Variants in NLRP4 observed in about 807,000 individuals in gnomAD.
NLRP4 encodes NACHT, LRR and PYD domains-containing protein 4.
A neutral mutation model predicts 84.7 loss-of-function variants in NLRP4; 44 were observed. The ratio of observed to expected loss-of-function variants is 0.52; its 90% CI spans 0.41 to 0.67. The LOEUF (loss-of-function observed/expected upper bound fraction) is 0.67, where lower values mean the gene tolerates loss of function less well. NLRP4 is among the 30% of genes least tolerant of loss of function. The pLI, the probability that NLRP4 is intolerant of heterozygous loss-of-function variation, is 0.00. For missense variants in NLRP4, 1,260 were observed against 1,219.4 expected, an observed-to-expected ratio of 1.03 and a Z score of -0.50; for synonymous variants, 544 against 476.4, an observed-to-expected ratio of 1.14 and a Z score of -1.85.
chr19:55,845,561 C>T (rs1983761084), intron 1 of NLRP4, among the ~76,000 whole-genome samples: 1 of 152,018 alleles, frequency 6.6e-6, no homozygotes, highest in East Asian at 1.9e-4. Context: ...ATGGCTGGGT[C>T]AAATGGTATT....
rs111354438 is a variant in NLRP4 at position 55,879,825 on chromosome 19, CTTATTA to C, written c.2867+866_2867+871del. Among the ~76,000 whole-genome samples, 11 of 151,620 alleles carry C rather than the reference CTTATTA, an allele frequency of 7.3e-5. No individual in the cohort carries two copies. The East Asian group carries it at 1.7e-3, about 24-fold the overall frequency. ...AAATAATTTTTTACCTCCTATATCA[CTTATTA>C]TTATAATACAAATTATGATACATGT... On this transcript the variant is annotated intron_variant, in intron 9 of 9. Coordinates refer to ENST00000301295, the MANE Select transcript of NLRP4 (RefSeq NM_134444.5).
At chr19:55,869,094 G>C (rs999199407) in intron 6 of NLRP4, among the ~76,000 whole-genome samples, 5 of 152,174 alleles carry the variant, frequency 3.3e-5, no homozygotes, top group African/African-American at 7.2e-5. Context: ...ATTGTCCCAG[G>C]TAACTATCTG....
Position 55,881,540 on chromosome 19 carries a change from C to A in NLRP4, c.2938C>A (p.Leu980Met). The change falls in exon 10 of 10, where the codon CTG (leucine) becomes ATG (methionine). Residue 980 changes from leucine to methionine, a missense_variant. Physicochemically the swap from Leu to Met is conservative, Grantham distance 15. Transcript: ENST00000301295. ...LTAEEERNPN[L>M]TITDDCDTIT... ...GGCTGAGGAAGAGAGAAATCCTAACCTGACCATCACAGACGACTGTGACAC... is the reference window on the plus strand; with the variant it reads ...GGCTGAGGAAGAGAGAAATCCTAACATGACCATCACAGACGACTGTGACAC... 1 of 1,609,228 alleles carries A rather than the reference C, an allele frequency of 6.2e-7. No homozygotes were observed. The highest frequency in any genetic ancestry group is 8.5e-7 in the Non-Finnish European group (1 of 1,175,634).
At chr19:55,863,973 G>A (rs577858844) in intron 5 of NLRP4, among the ~76,000 whole-genome samples, 2 of 152,006 alleles carry the variant, frequency 1.3e-5, no homozygotes, top group Admixed American at 6.6e-5. Context: ...TGCATCAACC[G>A]AACACAAAAA....
intron 7 of NLRP4, among the ~76,000 whole-genome samples, chr19:55,874,340 G>C (rs371380630): frequency 1.3e-5 from 2 of 152,084 alleles, no homozygotes; most frequent in African/African-American, 2.4e-5. Context: ...GGTTCACTAT[G>C]TATTTTATAC....
Position 55,877,033 on chromosome 19 carries a change from G to A in NLRP4, c.2563G>A (p.Asp855Asn). The change falls in exon 8 of 10, where the codon GAC becomes AAC. Residue 855 changes from aspartate to asparagine, a missense_variant. This residue lies in a region of NLRP4 where 544 missense variants were observed against 531.7 expected (regional missense o/e 1.02). Coordinates refer to ENST00000301295, the MANE Select transcript of NLRP4 (RefSeq NM_134444.5). ...TTTTATCACTGCTGCTGGCTGTGAA[G>A]ACCTCGCCTCTGCTCTCATCAGCAA... ...KCFITAAGCE[D>N]LASALISNQN... 1.2e-6 allele frequency: 2 copies of A among 1,614,004 alleles called. No homozygotes were observed. The highest frequency in any genetic ancestry group is 1.7e-6 in the Non-Finnish European group (2 of 1,179,942).
rs73622412 is a variant in NLRP4, at chr19:55,840,865, A to T, written c.-66+3931A>T. Among the ~76,000 whole-genome samples, 1,420 of 152,272 alleles carry T rather than the reference A, an allele frequency of 9.3e-3. 25 individuals are homozygous for T. Among genetic ancestry groups the T allele is most frequent in the African/African-American group, 0.032 (1,341 of 41,550 alleles). ...CAATATTATGACAACAGATTTTTTT[A>T]AAAGCCTGGAATAATTCAATATCTT... On this transcript the variant is annotated intron_variant, in intron 1 of 9. Transcript: ENST00000301295.
rs1189111204 is a variant in NLRP4 at position 55,852,258 on chromosome 19, A to T, written c.178A>T (p.Ile60Phe). The change falls in exon 2 of 10, where the codon ATC (isoleucine) becomes TTC (phenylalanine). Residue 60 changes from isoleucine to phenylalanine, a missense_variant. Ile to Phe is a conservative substitution (Grantham distance 21). Around this residue, in one of 3 missense-constraint regions of NLRP4, gnomAD observed 712 missense variants for 669.2 expected, o/e 1.06. Transcript: ENST00000301295. ...ASREELANLL[I>F]KHYEEQQAWN... is the part of the protein sequence containing the mutation. ...CCGGGAAGAACTTGCAAACCTCTTG[A>T]TCAAGCACTATGAAGAACAACAAGC... 3 of 1,608,660 alleles carry T rather than the reference A, an allele frequency of 1.9e-6. No homozygotes were observed. The highest frequency in any genetic ancestry group is 1.7e-5 in the Admixed American group (1 of 58,472).
At chr19:55,880,071 T>G (rs1486108492) in intron 9 of NLRP4, among the ~76,000 whole-genome samples, 2 of 152,148 alleles carry the variant, frequency 1.3e-5, no homozygotes, top group African/African-American at 4.8e-5. Flanking sequence ...CAATATGAGA[T>G]GAAGGTAATC....
intron 1 of NLRP4, among the ~76,000 whole-genome samples, chr19:55,841,713 A>AT (rs1385428781): frequency 6.6e-6 from 1 of 151,986 alleles, no homozygotes; most frequent in Non-Finnish European, 1.5e-5. Flanking sequence ...ATACAAAAAA[A>AT]AGTTAGCCGG....
At chr19:55,863,007 T>C (rs138292980) in intron 5 of NLRP4, among the ~76,000 whole-genome samples, 2 of 152,370 alleles carry the variant, frequency 1.3e-5, no homozygotes, top group African/African-American at 2.4e-5. Flanking sequence ...CAGAGGGACC[T>C]GTCTCAGTTT....
chr19:55,857,585 G>T, intron 2 of NLRP4, 89 bp from the exon 3 acceptor site: 1 of 1,296,780 alleles, frequency 7.7e-7, no homozygotes, highest in Non-Finnish European at 1.1e-6. Flanking sequence ...GTAGACCCCT[G>T]GAAAGATACA....
intron 7 of NLRP4, among the ~76,000 whole-genome samples, chr19:55,876,533 G>GT (rs145573237): frequency 0.16 from 23,767 of 151,494 alleles, 2,026 homozygotes; most frequent in East Asian, 0.23. Context: ...TATTTTTTGT[G>GT]TTTTTTTTAG....
chr19:55,852,291 A>G lies in NLRP4; in HGVS notation c.211A>G (p.Ile71Val), dbSNP rs766410733. 7.5e-6 allele frequency: 12 copies of G among 1,606,170 alleles called. No individual in the cohort carries two copies. In the Admixed American group the frequency reaches 1.0e-4, roughly 14 times the overall value. ...CTATGAAGAACAACAAGCTTGGAAC[A>G]TAACCTTAAGAATCTTTCAAAAGAT... Reference protein sequence around the residue: ...KHYEEQQAWNITLRIFQKMDR... With the variant: ...KHYEEQQAWNVTLRIFQKMDR... Residue 71 changes from isoleucine (I) to valine (V), a missense_variant, in exon 2 of 10, where the codon ATA becomes GTA. This residue lies in a region of NLRP4 where 712 missense variants were observed against 669.2 expected (regional missense o/e 1.06). Coordinates refer to ENST00000301295, the MANE Select transcript of NLRP4 (RefSeq NM_134444.5).
chr19:55,872,083 C>G (rs547451422), intron 7 of NLRP4, among the ~76,000 whole-genome samples: 2 of 152,050 alleles, frequency 1.3e-5, no homozygotes, highest in African/African-American at 4.8e-5. Flanking sequence ...CTCCTGATCT[C>G]GTGATCCGCC....
Position 55,852,095 on chromosome 19 carries a change from C to G in NLRP4, c.15C>G (p.Phe5Leu). 6.3e-7 allele frequency: 1 copy of G among 1,592,904 alleles called. No homozygotes were observed. The highest frequency in any genetic ancestry group is 2.2e-5 in the East Asian group (1 of 44,642). The change falls in exon 2 of 10, where the codon TTC (phenylalanine) becomes TTG (leucine). Residue 5 changes from phenylalanine (F) to leucine (L), a missense_variant. Physicochemically the swap from Phe to Leu is conservative, Grantham distance 22 (BLOSUM62 0). Transcript: ENST00000301295. MAAS[F>L]FSDFGLMWYL... The stretch of plus-strand genomic sequence containing the variant: ...CTCCAGAAAAGATGGCAGCCTCTTT[C>G]TTCTCTGATTTTGGTCTTATGTGGT...
intron 1 of NLRP4, among the ~76,000 whole-genome samples, chr19:55,848,535 C>G (rs2123005280): frequency 6.6e-6 from 1 of 152,232 alleles, no homozygotes; most frequent in African/African-American, 2.4e-5. Context: ...TCCAGAGTAG[C>G]TGGGATTACA....
intron 7 of NLRP4, among the ~76,000 whole-genome samples, chr19:55,874,753 A>G (rs1026611985): frequency 1.3e-5 from 2 of 152,168 alleles, no homozygotes; most frequent in African/African-American, 4.8e-5. Flanking sequence ...TGTGGCTAGC[A>G]TAATCTTGAT....
At chr19:55,868,338 G>A (rs532965859) in intron 6 of NLRP4, among the ~76,000 whole-genome samples, 4 of 152,260 alleles carry the variant, frequency 2.6e-5, no homozygotes, top group Admixed American at 1.3e-4. Context: ...GTAATAGGAT[G>A]AGAAGAGGCT....
Sources: gnomAD v4.1 joint callset for allele counts (sites outside exome capture counted in the v4.1 genomes callset) on GRCh38, gnomAD v4.1.1 for gene constraint, gnomAD v4.1.1 regional missense constraint, MANE v1.5 for transcripts, NCBI Gene and HGNC (gene_info 2026-07-23, HGNC 2026-07-21) for gene names.